LRRC7: variants seen among roughly 807,000 people sequenced by gnomAD.
LRRC7 encodes leucine-rich repeat-containing protein 7.
A neutral mutation model predicts 175.7 loss-of-function variants in LRRC7; 23 were observed. The ratio of observed to expected loss-of-function variants is 0.13; its 90% CI spans 0.09 to 0.19. The LOEUF (loss-of-function observed/expected upper bound fraction) is 0.19, where lower values mean the gene tolerates loss of function less well. Ranked by LOEUF, LRRC7 falls within the 10% of genes least tolerant of loss-of-function variation. LRRC7 has a pLI of 1.00. For synonymous variants in LRRC7, 685 were observed against 680.9 expected, an observed-to-expected ratio of 1.01 and a Z score of -0.09; for missense variants, 1,354 against 1,904.7, an observed-to-expected ratio of 0.71 and a Z score of 5.38.
chr1:69,886,554 G>A (rs1207175381), intron 7 of LRRC7, among the ~76,000 whole-genome samples: 1 of 151,632 alleles, frequency 6.6e-6, no homozygotes, highest in Admixed American at 6.6e-5. Flanking sequence ...ACACTGATGG[G>A]TCTTGACTCT....
intron 21 of LRRC7, among the ~76,000 whole-genome samples, chr1:70,041,424 G>A (rs943930651): frequency 6.6e-6 from 1 of 152,206 alleles, no homozygotes; most frequent in African/African-American, 2.4e-5. Flanking sequence ...AAATAGGTTT[G>A]CTCAGTCCCA....
At chr1:69,986,170 G>C in intron 9 of LRRC7, 72 bp from the exon 10 acceptor site, 1 of 1,399,344 alleles carries the variant, frequency 7.1e-7, no homozygotes, top group Middle Eastern at 2.1e-4. Context: ...TTACAGTGTA[G>C]TGGTTCTTAC....
chr1:70,001,320 C>G (rs1489186814), intron 11 of LRRC7, among the ~76,000 whole-genome samples: 1 of 152,076 alleles, frequency 6.6e-6, no homozygotes, highest in Non-Finnish European at 1.5e-5. Context: ...TACTCTCCTA[C>G]TGAATGCCTT....
intron 7 of LRRC7, among the ~76,000 whole-genome samples, chr1:69,865,468 C>CCTTTTTTTT (rs1684818391): frequency 4.7e-5 from 1 of 21,486 alleles, no homozygotes; most frequent in Non-Finnish European, 1.0e-4. Context: ...GAAGACAGTT[C>CCTTTTTTTT]CTTTTTTTTT....
intron 1 of LRRC7, among the ~76,000 whole-genome samples, chr1:69,615,330 A>G (rs1017977067): frequency 6.6e-6 from 1 of 152,006 alleles, no homozygotes; most frequent in Non-Finnish European, 1.5e-5. Context: ...GATCAATGAA[A>G]ATTCAGCAGA....
At chr1:69,847,177 A>G (rs767995325) in intron 7 of LRRC7, among the ~76,000 whole-genome samples, 28 of 152,112 alleles carry the variant, frequency 1.8e-4, no homozygotes, top group Non-Finnish European at 3.7e-4. Context: ...GCATACATCC[A>G]TTGTTTGTAT....
chr1:69,867,052 A>G (rs1385327166), intron 7 of LRRC7, among the ~76,000 whole-genome samples: 1 of 152,148 alleles, frequency 6.6e-6, no homozygotes, highest in Non-Finnish European at 1.5e-5. Context: ...TAAAATTATC[A>G]TACACCTCAA....
intron 1 of LRRC7, among the ~76,000 whole-genome samples, chr1:69,623,620 G>A (rs182828479): frequency 7.1e-4 from 104 of 147,330 alleles, no homozygotes; most frequent in African/African-American, 2.4e-3. Flanking sequence ...GTACGATCTC[G>A]GCTCACCGCA....
intron 8 of LRRC7, among the ~76,000 whole-genome samples, chr1:69,966,853 C>G (rs149381531): frequency 2.0e-5 from 3 of 152,324 alleles, no homozygotes; most frequent in Non-Finnish European, 4.4e-5. Flanking sequence ...TCACAGGGGT[C>G]CTTAAGCAGG....
intron 3 of LRRC7, among the ~76,000 whole-genome samples, chr1:69,769,624 C>G (rs1168871767): frequency 6.6e-6 from 1 of 152,082 alleles, no homozygotes; most frequent in Non-Finnish European, 1.5e-5. Flanking sequence ...TATGTATATG[C>G]AAGTATTCCA....
chr1:69,843,446 GA>G (rs1681968403), intron 7 of LRRC7, among the ~76,000 whole-genome samples: 1 of 151,864 alleles, frequency 6.6e-6, no homozygotes. Flanking sequence ...AATTATTAAG[GA>G]ATTATTTAAG....
intron 2 of LRRC7, among the ~76,000 whole-genome samples, chr1:69,715,732 T>C (rs1196680422): frequency 6.6e-6 from 1 of 152,002 alleles, no homozygotes; most frequent in African/African-American, 2.4e-5. Context: ...AAGGCAACTC[T>C]AACCTGTATG....
intron 11 of LRRC7, among the ~76,000 whole-genome samples, chr1:70,008,136 T>C (rs151004701): frequency 6.2e-4 from 94 of 152,266 alleles, no homozygotes; most frequent in African/African-American, 2.0e-3. Flanking sequence ...ACTGAAGAAC[T>C]TGGAGTCCAA....
intron 1 of LRRC7, among the ~76,000 whole-genome samples, chr1:69,643,644 T>A (rs1654569469): frequency 6.6e-6 from 1 of 152,124 alleles, no homozygotes; most frequent in East Asian, 1.9e-4. Flanking sequence ...GGAGGTAAAC[T>A]ACCCTAATCC....
In LRRC7 at chr1:70,124,540, ATTAT is replaced by A. The variant is rs1400928593; in HGVS notation, c.*2661_*2664del. Among the ~76,000 whole-genome samples, 5 of 152,110 alleles carry A rather than the reference ATTAT, an allele frequency of 3.3e-5. No homozygotes were observed. Among genetic ancestry groups the A allele is most frequent in the East Asian group, 1.9e-4 (1 of 5,188 alleles). On this transcript the variant is annotated 3_prime_UTR_variant, in exon 27 of 27. Transcript: ENST00000651989. ...ACTCTGTCTCAAAATAAATAAATAA[ATTAT>A]TTATTTAAGTAGAAAAGAGGCAATT... is the stretch of plus-strand genomic sequence containing the variant.
At chr1:69,704,351 G>A (rs1052328265) in intron 2 of LRRC7, among the ~76,000 whole-genome samples, 18 of 151,898 alleles carry the variant, frequency 1.2e-4, no homozygotes, top group Non-Finnish European at 2.2e-4. Context: ...CATGATATGT[G>A]CACAGTTTTT....
chr1:70,078,212 A>G (rs1385715492), intron 24 of LRRC7, among the ~76,000 whole-genome samples: 3 of 152,334 alleles, frequency 2.0e-5, no homozygotes, highest in South Asian at 2.1e-4. Context: ...ATCATTATGT[A>G]TCAATAAAAA....
Position 70,143,162 on chromosome 1 carries a change from TTGGG to T in LRRC7, c.*21277_*21280del, listed in dbSNP as rs528921353. 6.2e-4 allele frequency: 94 copies of T among 151,998 alleles called. 2 individuals are homozygous for T. The South Asian group carries it at 0.019, about 30-fold the overall frequency. The allele number at this position is 151,998 out of a possible 1,614,324, so 9.4% of individuals were successfully genotyped here. On this transcript the variant is annotated 3_prime_UTR_variant, in exon 27 of 27. Transcript: ENST00000651989. ...AAAATTCCTAAGCAGTGATACAACTTTGGGTCGCTATTTTAGTAAAATGAAGAGT... is the reference window on the plus strand; with the variant it reads ...AAAATTCCTAAGCAGTGATACAACTTTCGCTATTTTAGTAAAATGAAGAGT...
At chr1:70,004,482 CT>C (rs1313121435) in intron 11 of LRRC7, among the ~76,000 whole-genome samples, 2 of 152,130 alleles carry the variant, frequency 1.3e-5, no homozygotes, top group Admixed American at 1.3e-4. Flanking sequence ...TTTACATGTA[CT>C]AATTCCTTTG....
Sources: allele counts gnomAD v4.1 joint callset (sites outside exome capture counted in the v4.1 genomes callset), GRCh38; gene constraint gnomAD v4.1.1; transcripts MANE v1.5; gene names NCBI Gene and HGNC (gene_info 2026-07-23, HGNC 2026-07-21).